DGKZ: variants seen among roughly 807,000 people sequenced by gnomAD.
The protein encoded by DGKZ is DAG kinase zeta.
Under a neutral mutation model 142.5 loss-of-function variants are expected in DGKZ, and 45 were observed. The ratio of observed to expected loss-of-function variants is 0.32; its 90% CI spans 0.25 to 0.40. DGKZ has a LOEUF of 0.40. DGKZ is among the 10% of genes least tolerant of loss of function. DGKZ has a pLI of 1.00. For missense variants in DGKZ, 755 were observed against 1,306.5 expected, an observed-to-expected ratio of 0.58 and a Z score of 6.51; for synonymous variants, 442 against 527.0, an observed-to-expected ratio of 0.84 and a Z score of 2.21.
At chr11:46,366,556 G>A (rs1211708884) in intron 1 of DGKZ, 2 of 1,602,576 alleles carry the variant, frequency 1.2e-6, no homozygotes, top group East Asian at 2.3e-5. Context: ...CCACCGTGGG[G>A]GCCCAGCTTC....
At chr11:46,377,552 G>A in intron 25 of DGKZ, 1 of 360,120 alleles carries the variant, frequency 2.8e-6, no homozygotes, top group Non-Finnish European at 5.0e-6. Context: ...ATATCCCTGT[G>A]GCCATTCGTG....
chr11:46,359,457 AAAAT>A (rs1565026890), intron 1 of DGKZ, among the ~76,000 whole-genome samples: 1 of 152,158 alleles, frequency 6.6e-6, no homozygotes, highest in Non-Finnish European at 1.5e-5. Flanking sequence ...AAAATAAAAT[AAAAT>A]AAAATGTGTC....
At chr11:46,378,631 T>G in intron 27 of DGKZ, 131 bp downstream of exon 27, 1 of 1,229,918 alleles carries the variant, frequency 8.1e-7, no homozygotes, top group East Asian at 2.5e-5. Flanking sequence ...CTCTGTGGGA[T>G]CTCCAGTGAT....
At chr11:46,366,874 C>T (rs1378748201) in intron 1 of DGKZ, 7 of 1,546,994 alleles carry the variant, frequency 4.5e-6, no homozygotes, top group Non-Finnish European at 6.1e-6. Context: ...GAGCCTCAGG[C>T]ACCACCGCCG....
exon 20 of DGKZ, chr11:46,375,480 G>C: frequency 8.2e-6 from 13 of 1,585,920 alleles, no homozygotes; most frequent in Non-Finnish European, 1.1e-5. Flanking sequence ...GCAGTGTCGC[G>C]AGGTGGTGCT....
intron 1 of DGKZ, among the ~76,000 whole-genome samples, chr11:46,339,286 A>G (rs186590567): frequency 7.1e-4 from 108 of 152,374 alleles, no homozygotes; most frequent in African/African-American, 2.4e-3. Context: ...TTAAATAGCA[A>G]CAGGATAAAG....
intron 1 of DGKZ, among the ~76,000 whole-genome samples, chr11:46,338,356 C>T (rs772433750): frequency 3.3e-5 from 5 of 151,744 alleles, no homozygotes; most frequent in African/African-American, 9.7e-5. Context: ...ATTAGCCAGG[C>T]GTGATGGTGG....
chr11:46,375,743 T>C, intron 20 of DGKZ, 108 bp from the exon 21 acceptor site: 1 of 1,499,958 alleles, frequency 6.7e-7, no homozygotes, highest in Non-Finnish European at 9.0e-7. Context: ...CCCAGGGGTG[T>C]TGGGAGTGGA....
chr11:46,333,264 G>A, exon 1 of DGKZ: 1 of 1,249,200 alleles, frequency 8.0e-7, no homozygotes, highest in East Asian at 3.2e-5. Context: ...GCGGGCGGAA[G>A]GCGGCCGCAC....
chr11:46,376,944 C>G (rs1944617727), intron 24 of DGKZ, 129 bp from the exon 25 acceptor site: 6 of 802,780 alleles, frequency 7.5e-6, no homozygotes, highest in Non-Finnish European at 1.2e-5. Context: ...ACAGGCAGGG[C>G]CCCTTGCCTG....
At chr11:46,340,275 G>T (rs1387183701) in intron 1 of DGKZ, among the ~76,000 whole-genome samples, 1 of 152,206 alleles carries the variant, frequency 6.6e-6, no homozygotes, top group African/African-American at 2.4e-5. Context: ...TAGTAAGGGG[G>T]CTGAAAGGTA....
chr11:46,348,721 G>A (rs140776372), intron 1 of DGKZ, among the ~76,000 whole-genome samples: 8 of 152,192 alleles, frequency 5.3e-5, no homozygotes, highest in African/African-American at 1.9e-4. Context: ...TCTTGGTCGT[G>A]AGCCGCTGCC....
chr11:46,370,100 C>T (rs1157968528), intron 6 of DGKZ, 91 bp downstream of exon 6: 6 of 1,522,982 alleles, frequency 3.9e-6, no homozygotes, highest in Non-Finnish European at 4.5e-6. Flanking sequence ...TCACTGACCA[C>T]ACCCTGGTGT....
intron 1 of DGKZ, among the ~76,000 whole-genome samples, chr11:46,336,905 C>T (rs1285462228): frequency 6.6e-6 from 1 of 152,092 alleles, no homozygotes; most frequent in African/African-American, 2.4e-5. Context: ...TCTGTAGTCC[C>T]AGCTACTCAG....
chr11:46,361,570 GA>G, intron 1 of DGKZ: 1 of 939,482 alleles, frequency 1.1e-6, no homozygotes, highest in Non-Finnish European at 1.3e-6. Context: ...TGACAAGGGG[GA>G]GGGGGCAGAG....
At chr11:46,364,287 AGT>A in intron 1 of DGKZ, 1 of 1,064,546 alleles carries the variant, frequency 9.4e-7, no homozygotes, top group Middle Eastern at 2.3e-4. Flanking sequence ...AGTGTGATGC[AGT>A]ACCTATTCCT....
At chr11:46,378,557 C>G in intron 27 of DGKZ, 57 bp downstream of exon 27, 1 of 1,610,676 alleles carries the variant, frequency 6.2e-7, no homozygotes, top group Non-Finnish European at 8.5e-7. Flanking sequence ...CCCTGGGGAG[C>G]GAGGCCTCTG....
exon 1 of DGKZ, chr11:46,333,015 C>A (rs1271699331): frequency 3.0e-6 from 1 of 331,270 alleles, no homozygotes; most frequent in Middle Eastern, 8.1e-4. Context: ...GGCGCCGCGG[C>A]GCGCAGAGCG....
intron 25 of DGKZ, chr11:46,377,491 C>A: frequency 2.0e-6 from 1 of 490,404 alleles, no homozygotes; most frequent in Non-Finnish European, 3.5e-6. Flanking sequence ...TCCTCCCCAC[C>A]CCTACTGCCA....
Sources: gnomAD v4.1 joint callset for allele counts (sites outside exome capture counted in the v4.1 genomes callset) on GRCh38, gnomAD v4.1.1 for gene constraint, MANE v1.5 for transcripts, NCBI Gene and HGNC (gene_info 2026-07-23, HGNC 2026-07-21) for gene names.